The following TRPC4 variants were observed in gnomAD, a reference collection of about 807,000 sequenced individuals.
TRPC4 encodes the protein transient receptor potential cation channel subfamily C member 4, also known as short transient receptor potential channel 4.
In TRPC4, 49 loss-of-function variants were observed where a neutral mutation model predicts 99.4. That is an observed-to-expected ratio of 0.49 (90% CI 0.39 to 0.63). TRPC4 has a LOEUF of 0.63. Among genes scored for constraint, TRPC4 ranks in the 20% least tolerant of loss-of-function variants. The pLI is 0.00. For synonymous variants in TRPC4, 454 were observed against 425.9 expected (o/e 1.07, Z -0.81); for missense variants, 898 against 1,152.9 (o/e 0.78, Z 3.20).
chr13:37,695,021 C>G (rs2957219), intron 3 of TRPC4, among the ~76,000 whole-genome samples: 2 of 152,098 alleles, frequency 1.3e-5, no homozygotes, highest in Non-Finnish European at 2.9e-5. Context: ...AAAATGGGTT[C>G]GGTGGTTAAA....
intron 3 of TRPC4, among the ~76,000 whole-genome samples, chr13:37,725,604 TAAAAAAGAAAC>T (rs1955026120): frequency 6.6e-6 from 1 of 151,614 alleles, no homozygotes; most frequent in South Asian, 2.1e-4. Context: ...ACTACAAAAT[TAAAAAAGAAAC>T]AAAAAAGAAA....
intron 2 of TRPC4, among the ~76,000 whole-genome samples, chr13:37,752,075 CTATATATATATA>C (rs10528143): frequency 2.7e-5 from 2 of 73,952 alleles, no homozygotes; most frequent in African/African-American, 1.1e-4. Context: ...AAGCAGAAAA[CTATATATATATA>C]TATATATATG....
intron 1 of TRPC4, among the ~76,000 whole-genome samples, chr13:37,845,938 T>C: frequency 6.6e-6 from 1 of 151,982 alleles, no homozygotes; most frequent in East Asian, 1.9e-4. Flanking sequence ...ATAAGAAACA[T>C]CACATTCAGT....
rs141017316 is a variant in TRPC4, at chr13:37,776,972, C to T, written c.378+5984G>A. On this transcript the variant is annotated intron_variant, in intron 2 of 10. Transcript: ENST00000379705. The stretch of plus-strand genomic sequence containing the variant: ...ATTTTGGGTTATATATTTGCATTAA[C>T]ATGCTAGTACCAATATCTTACTTCA... 3.9e-5 allele frequency among the ~76,000 whole-genome samples: 6 copies of T among 151,968 alleles called. No individual in the cohort carries two copies. In the East Asian group the frequency reaches 1.2e-3, roughly 30 times the overall value.
intron 3 of TRPC4, among the ~76,000 whole-genome samples, chr13:37,733,078 G>C (rs1955288352): frequency 6.6e-6 from 1 of 152,212 alleles, no homozygotes; most frequent in African/African-American, 2.4e-5. Context: ...TTTCAGGCCA[G>C]CCTGGGCAAC....
At chr13:37,680,364 C>T (rs1953195819) in intron 4 of TRPC4, among the ~76,000 whole-genome samples, 1 of 152,188 alleles carries the variant, frequency 6.6e-6, no homozygotes, top group Non-Finnish European at 1.5e-5. Flanking sequence ...GATCAAGCGG[C>T]CAGGCTCAAC....
intron 1 of TRPC4, among the ~76,000 whole-genome samples, chr13:37,818,025 A>G (rs546340631): frequency 6.6e-6 from 1 of 152,186 alleles, no homozygotes; most frequent in Admixed American, 6.6e-5. Flanking sequence ...CAAAAGCAAA[A>G]ATGGACAAAT....
intron 6 of TRPC4, among the ~76,000 whole-genome samples, chr13:37,659,587 T>C (rs1473278705): frequency 2.0e-5 from 3 of 152,036 alleles, no homozygotes; most frequent in Non-Finnish European, 4.4e-5. Context: ...CTGTAAGAAA[T>C]GGGAAACCAT....
intron 3 of TRPC4, among the ~76,000 whole-genome samples, chr13:37,729,368 T>G (rs1482001274): frequency 6.6e-6 from 1 of 152,056 alleles, no homozygotes; most frequent in Non-Finnish European, 1.5e-5. Flanking sequence ...GGTACCCTCA[T>G]GCAGTGTTGG....
At chr13:37,767,653 C>A (rs181316586) in intron 2 of TRPC4, among the ~76,000 whole-genome samples, 57 of 151,376 alleles carry the variant, frequency 3.8e-4, no homozygotes, top group African/African-American at 1.3e-3. Context: ...TGGAAGTGAT[C>A]CAAATCAGAA....
At chr13:37,728,142 G>T (rs527598365) in intron 3 of TRPC4, among the ~76,000 whole-genome samples, 1 of 152,028 alleles carries the variant, frequency 6.6e-6, no homozygotes, top group Non-Finnish European at 1.5e-5. Flanking sequence ...AAAGCGAGGT[G>T]CCTGCTGTCA....
intron 5 of TRPC4, among the ~76,000 whole-genome samples, chr13:37,671,153 G>A (rs917331863): frequency 2.0e-5 from 3 of 152,098 alleles, no homozygotes; most frequent in Admixed American, 6.5e-5. Flanking sequence ...GATTTGATTA[G>A]CTTCTTGATT....
chr13:37,801,384 A>T (rs956383501), intron 1 of TRPC4, among the ~76,000 whole-genome samples: 4 of 151,972 alleles, frequency 2.6e-5, no homozygotes, highest in Admixed American at 6.6e-5. Context: ...TCTTCACTCT[A>T]CTCTAGGTAC....
chr13:37,835,412 C>T (rs1479615974), intron 1 of TRPC4, among the ~76,000 whole-genome samples: 1 of 152,218 alleles, frequency 6.6e-6, no homozygotes, highest in East Asian at 1.9e-4. Context: ...TTTACCTGCA[C>T]TCTTGTCCAA....
At chr13:37,769,490 C>G (rs1046446412) in intron 2 of TRPC4, among the ~76,000 whole-genome samples, 1 of 151,528 alleles carries the variant, frequency 6.6e-6, no homozygotes, top group African/African-American at 2.4e-5. Context: ...TTTTTTCCTT[C>G]TCTTTCTCTA....
rs373882252 is a variant in TRPC4, at chr13:37,821,132, T to C, written c.-27-37772A>G. The stretch of plus-strand genomic sequence containing the variant: ...TGTACAAAAACCAATAGCATTCCTA[T>C]ACACAAGCAACATCCAAACTGAAAG... On this transcript the variant is annotated intron_variant, in intron 1 of 10. Transcript: ENST00000379705. Among the ~76,000 whole-genome samples, 13 of 150,686 alleles carry C rather than the reference T, an allele frequency of 8.6e-5. 1 individual carries two copies. Among genetic ancestry groups the C allele is most frequent in the Middle Eastern group, 3.4e-3 (1 of 290 alleles).
chr13:37,639,028 G>A lies in TRPC4; in HGVS notation c.2211+12C>T. 1 of 1,613,102 alleles carries A rather than the reference G, an allele frequency of 6.2e-7. No individual in the cohort carries two copies. Among genetic ancestry groups the A allele is most frequent in the Non-Finnish European group, 8.5e-7 (1 of 1,179,212 alleles). On this transcript the variant is annotated intron_variant, in intron 10 of 10. Transcript: ENST00000379705. ...ACAATCTGCCTCTTGTGATGAAGAT[G>A]AAAATGGTTACCTTAAAGTTCTCTT...
At chr13:37,826,585 A>G (rs1958221506) in intron 1 of TRPC4, among the ~76,000 whole-genome samples, 1 of 151,992 alleles carries the variant, frequency 6.6e-6, no homozygotes, top group Middle Eastern at 3.4e-3. Flanking sequence ...TCTCTTTAAG[A>G]ATGTTGAATA....
chr13:37,703,099 C>T (rs186724660), intron 3 of TRPC4, among the ~76,000 whole-genome samples: 1 of 152,218 alleles, frequency 6.6e-6, no homozygotes, highest in African/African-American at 2.4e-5. Context: ...TGAGAGAAAG[C>T]ATCTGAAAGG....
Sources: gnomAD v4.1 joint callset for allele counts (sites outside exome capture counted in the v4.1 genomes callset) on GRCh38, gnomAD v4.1.1 for gene constraint, MANE v1.5 for transcripts, NCBI Gene and HGNC (gene_info 2026-07-23, HGNC 2026-07-21) for gene names.